Variants in RBPJ observed in about 807,000 individuals in gnomAD.
RBPJ encodes recombining binding protein suppressor of hairless.
RBPJ carries 9 observed loss-of-function variants against 67.8 expected under a neutral mutation model. The observed-to-expected ratio is 0.13, with a 90% CI of 0.08 to 0.23. RBPJ has a LOEUF of 0.23. RBPJ is among the 10% of genes least tolerant of loss of function. The pLI, the probability that RBPJ is intolerant of heterozygous loss-of-function variation, is 1.00. For synonymous variants in RBPJ, 198 were observed against 203.3 expected (o/e 0.97, Z 0.22); for missense variants, 305 against 595.6 (o/e 0.51, Z 5.08).
intron 1 of RBPJ, among the ~76,000 whole-genome samples, chr4:26,213,900 G>C (rs567641675): frequency 1.3e-5 from 2 of 152,260 alleles, no homozygotes; most frequent in Admixed American, 6.5e-5. Context: ...AAATAGATTC[G>C]ACAGGATTTG....
intron 1 of RBPJ, among the ~76,000 whole-genome samples, chr4:26,218,825 G>A (rs948998772): frequency 6.6e-6 from 1 of 152,124 alleles, no homozygotes; most frequent in Middle Eastern, 3.2e-3. Flanking sequence ...GGGCAGGGAG[G>A]GCACAGAGCC....
chr4:26,220,862 T>C (rs530947361), intron 1 of RBPJ, among the ~76,000 whole-genome samples: 13 of 152,340 alleles, frequency 8.5e-5, no homozygotes, highest in Admixed American at 7.8e-4. Context: ...AGGATTTATT[T>C]CACTGCACCG....
chr4:26,333,693 TTTTA>T (rs2109363474), intron 1 of RBPJ, among the ~76,000 whole-genome samples: 1 of 152,220 alleles, frequency 6.6e-6, no homozygotes, highest in African/African-American at 2.4e-5. Context: ...CCTGGCTTAA[TTTTA>T]TTTATTTCTT....
At chr4:26,400,889 G>A (rs1037903120) in intron 2 of RBPJ, among the ~76,000 whole-genome samples, 1 of 152,192 alleles carries the variant, frequency 6.6e-6, no homozygotes, top group African/African-American at 2.4e-5. Flanking sequence ...AATATAGTAA[G>A]CTTCCAATAA....
At chr4:26,319,015 A>G (rs1191657924), upstream of RBPJ, among the ~76,000 whole-genome samples, 1 of 150,792 alleles carries the variant, frequency 6.6e-6, no homozygotes, top group Admixed American at 6.6e-5. Flanking sequence ...AAAAAAAAAA[A>G]AAAAAAGAAA....
chr4:26,389,573 A>G (rs1731287360), intron 2 of RBPJ, among the ~76,000 whole-genome samples: 2 of 149,310 alleles, frequency 1.3e-5, no homozygotes, highest in Non-Finnish European at 3.0e-5. Flanking sequence ...ATCATACTAG[A>G]TAGAAATCCG....
intron 1 of RBPJ, among the ~76,000 whole-genome samples, chr4:26,201,647 T>C (rs2109154771): frequency 6.6e-6 from 1 of 152,346 alleles, no homozygotes; most frequent in South Asian, 2.1e-4. Context: ...GGTACACTGA[T>C]GTAAATCTCA....
chr4:26,166,796 C>T (rs1716322642), intron 1 of RBPJ, among the ~76,000 whole-genome samples: 1 of 152,152 alleles, frequency 6.6e-6, no homozygotes, highest in Non-Finnish European at 1.5e-5. Context: ...TTGCCCATGC[C>T]TATGTCCTGA....
At chr4:26,286,913 A>G (rs1721486086) in intron 1 of RBPJ, among the ~76,000 whole-genome samples, 2 of 151,750 alleles carry the variant, frequency 1.3e-5, no homozygotes, top group South Asian at 2.1e-4. Context: ...CAGCTTCCCA[A>G]GTAGCTGGGA....
intron 1 of RBPJ, among the ~76,000 whole-genome samples, chr4:26,334,749 C>T (rs1724634829): frequency 6.6e-6 from 1 of 152,172 alleles, no homozygotes; most frequent in African/African-American, 2.4e-5. Context: ...TCATTTCAGT[C>T]ATCAGCCTAT....
At chr4:26,400,688 T>C (rs1732684438) in intron 2 of RBPJ, among the ~76,000 whole-genome samples, 1 of 152,252 alleles carries the variant, frequency 6.6e-6, no homozygotes, top group Non-Finnish European at 1.5e-5. Flanking sequence ...AAATTACTTT[T>C]ACAGGACAAC....
rs750220714 is a variant in RBPJ at position 26,430,821 on chromosome 4, C to T, written c.1278C>T (p.Ser426=). ...ATGATGGAATCATTTATTCCACCAG[C>T]CTTACCTTTACCTACACACCAGAAC... is the stretch of plus-strand genomic sequence containing the variant. ...VRNDGIIYST[S]LTFTYTPEPG... Residue 426 remains serine (S), a synonymous_variant, in exon 11 of 11, where the codon AGC becomes AGT. Transcript: ENST00000355476. The surrounding 1 kb of genome is among the most constrained non-coding windows in gnomAD (Gnocchi z 4.1). The T allele has an allele frequency of 6.2e-6, 10 of 1,613,904 alleles. No individual in the cohort carries two copies. The highest frequency in any genetic ancestry group is 1.1e-5 in the South Asian group (1 of 91,070).
chr4:26,124,088 G>C, the RBPJ span, among the ~76,000 whole-genome samples: 1 of 151,960 alleles, frequency 6.6e-6, no homozygotes, highest in Admixed American at 6.6e-5. Context: ...TGGGGAACAG[G>C]TGATGTTTGG....
rs138123269 is a variant in RBPJ at position 26,373,375 on chromosome 4, T to C, written c.21-12978T>C. On this transcript the variant is annotated intron_variant, in intron 1 of 10. Coordinates refer to ENST00000355476, the MANE Select transcript of RBPJ (RefSeq NM_015874.6). Reference sequence around the variant, plus strand: ...GAAGTAGCTTAACCCCTTATAAACCTGACTGATGGTCTTTCCTTTGTGCAT... The same window carrying C: ...GAAGTAGCTTAACCCCTTATAAACCCGACTGATGGTCTTTCCTTTGTGCAT... Among the ~76,000 whole-genome samples, 322 of 152,352 alleles carry C rather than the reference T, an allele frequency of 2.1e-3. 3 individuals carry two copies. Among genetic ancestry groups the C allele is most frequent in the African/African-American group, 7.1e-3 (296 of 41,568 alleles).
chr4:26,362,532 C>T (rs1728172824), intron 1 of RBPJ: 11 of 1,597,912 alleles, frequency 6.9e-6, no homozygotes, highest in Non-Finnish European at 9.4e-6. Flanking sequence ...GAGAATGATA[C>T]AGATACACTG....
At chr4:26,226,096 C>A (rs374338786) in intron 1 of RBPJ, among the ~76,000 whole-genome samples, 1 of 150,436 alleles carries the variant, frequency 6.6e-6, no homozygotes, top group African/African-American at 2.5e-5. Flanking sequence ...TTGCAGTGAG[C>A]CAAGATCATG....
chr4:26,195,634 G>T (rs574848170), intron 1 of RBPJ, among the ~76,000 whole-genome samples: 1 of 151,802 alleles, frequency 6.6e-6, no homozygotes, highest in African/African-American at 2.4e-5. Context: ...TCACTCGGTC[G>T]CCCAGGCTGG....
chr4:26,168,365 G>A (rs919405330), intron 1 of RBPJ, among the ~76,000 whole-genome samples: 4 of 152,140 alleles, frequency 2.6e-5, no homozygotes, highest in African/African-American at 9.7e-5. Context: ...ATTCTGGGTT[G>A]TAAATTCTTT....
In RBPJ at chr4:26,288,208, C is replaced by G. The variant is rs375386824; in HGVS notation, c.-166-74238C>G. Reference sequence around the variant, plus strand: ...ATTCTCTCACAGAGTTTCTCAGGGTCAGGAATCCAGGAGTGGCTTAGCTGG... The same window carrying G: ...ATTCTCTCACAGAGTTTCTCAGGGTGAGGAATCCAGGAGTGGCTTAGCTGG... On this transcript the variant is annotated intron_variant, in intron 1 of 4. Transcript: ENST00000512351. Among the ~76,000 whole-genome samples the G allele has an allele frequency of 6.6e-5, 10 of 152,310 alleles. No homozygotes were observed. The East Asian group carries it at 9.6e-4, about 15-fold the overall frequency.
Sources: gnomAD v4.1 joint callset for allele counts (sites outside exome capture counted in the v4.1 genomes callset) on GRCh38, gnomAD v4.1.1 for gene constraint, Gnocchi (gnomAD v3.1) non-coding constraint, MANE v1.5 for transcripts, NCBI Gene and HGNC (gene_info 2026-07-23, HGNC 2026-07-21) for gene names.